Variants in PLA2G12B observed in about 807,000 individuals in gnomAD.
The protein encoded by PLA2G12B is group XIIB secretory phospholipase A2-like protein.
In PLA2G12B, 19 loss-of-function variants were observed where a neutral mutation model predicts 22.3. The ratio of observed to expected loss-of-function variants is 0.85; its 90% CI spans 0.60 to 1.25. The LOEUF is 1.25. Among genes scored for constraint, PLA2G12B ranks in the 50% most tolerant of loss-of-function variants. The pLI, the probability that PLA2G12B is intolerant of heterozygous loss-of-function variation, is 0.00. For synonymous variants in PLA2G12B, 81 were observed against 94.9 expected (o/e 0.85, Z 0.85); for missense variants, 191 against 246.6 (o/e 0.77, Z 1.51).
At chr10:72,940,267 T>C (rs1046821156) in intron 3 of PLA2G12B, among the ~76,000 whole-genome samples, 1 of 152,096 alleles carries the variant, frequency 6.6e-6, no homozygotes, top group Non-Finnish European at 1.5e-5. Flanking sequence ...ATTTCAACTC[T>C]TACCATCTAA....
chr10:72,945,170 C>A (rs1182994577), intron 1 of PLA2G12B, among the ~76,000 whole-genome samples: 4 of 152,188 alleles, frequency 2.6e-5, no homozygotes, highest in Non-Finnish European at 4.4e-5. Context: ...AAGATGACTT[C>A]CAATGATCCC....
chr10:72,936,928 C>T (rs1370673511), intron 3 of PLA2G12B, among the ~76,000 whole-genome samples: 3 of 152,178 alleles, frequency 2.0e-5, no homozygotes, highest in Non-Finnish European at 2.9e-5. Flanking sequence ...GGGCCGGGCA[C>T]GGTGGCTTAC....
At chr10:72,945,651 A>T (rs1846428377) in intron 1 of PLA2G12B, among the ~76,000 whole-genome samples, 1 of 137,378 alleles carries the variant, frequency 7.3e-6, no homozygotes, top group Admixed American at 6.7e-5. Flanking sequence ...TGCCATTATG[A>T]TGTTTTTTTT....
intron 3 of PLA2G12B, among the ~76,000 whole-genome samples, chr10:72,938,046 G>T (rs1041396956): frequency 6.6e-6 from 1 of 151,422 alleles, no homozygotes; most frequent in African/African-American, 2.4e-5. Context: ...CCCGGGGTGT[G>T]GAGGTTGCAG....
At chr10:72,943,655 A>T (rs551325385) in intron 1 of PLA2G12B, among the ~76,000 whole-genome samples, 2 of 152,338 alleles carry the variant, frequency 1.3e-5, no homozygotes, top group South Asian at 2.1e-4. Context: ...AGTTGTATCA[A>T]TGGCAGTGCT....
intron 1 of PLA2G12B, among the ~76,000 whole-genome samples, chr10:72,947,758 C>T (rs541722079): frequency 9.2e-5 from 14 of 152,296 alleles, no homozygotes; most frequent in South Asian, 2.1e-4. Flanking sequence ...ATGGCTTACA[C>T]GGCAGAAATT....
intron 2 of PLA2G12B, 117 bp from the exon 3 acceptor site, chr10:72,941,451 ATATCCC>A: frequency 1.0e-6 from 1 of 984,102 alleles, no homozygotes; most frequent in Non-Finnish European, 1.5e-6. Context: ...TTTCTGTTGC[ATATCCC>A]GATCAATTCA....
rs536281612 is a variant in PLA2G12B at position 72,948,414 on chromosome 10, G to A, written c.212-5674C>T. 3.3e-5 allele frequency among the ~76,000 whole-genome samples: 5 copies of A among 152,270 alleles called. No homozygotes were observed. In the South Asian group the frequency reaches 1.0e-3, roughly 32 times the overall value. ...TGCAGAAATTCTATTTAGAAACGAA[G>A]CTGAAAATATAAGTTCTAAGACAAA... On this transcript the variant is annotated intron_variant, in intron 1 of 3. Coordinates refer to ENST00000373032, the MANE Select transcript of PLA2G12B (RefSeq NM_032562.5).
intron 3 of PLA2G12B, 76 bp from the exon 4 acceptor site, chr10:72,935,814 C>T: frequency 2.0e-6 from 3 of 1,508,970 alleles, no homozygotes; most frequent in South Asian, 2.5e-5. Context: ...TGACATGATA[C>T]CCAGAGGAAA....
At chr10:72,937,386 C>T (rs1044443467) in intron 3 of PLA2G12B, among the ~76,000 whole-genome samples, 3 of 152,124 alleles carry the variant, frequency 2.0e-5, no homozygotes, top group Non-Finnish European at 2.9e-5. Flanking sequence ...CAATTACTAA[C>T]CCAAGCTCGT....
chr10:72,938,115 G>GAAAAAAAA (rs78360766), intron 3 of PLA2G12B, among the ~76,000 whole-genome samples: 2 of 59,048 alleles, frequency 3.4e-5, no homozygotes, highest in Non-Finnish European at 3.6e-5. Flanking sequence ...CTCCATCTCA[G>GAAAAAAAA]AAAAAAAAAA....
chr10:72,941,001 G>C (rs1846351209), intron 3 of PLA2G12B, among the ~76,000 whole-genome samples, 168 bp downstream of exon 3: 1 of 152,112 alleles, frequency 6.6e-6, no homozygotes, highest in Non-Finnish European at 1.5e-5. Flanking sequence ...TTGAGTGAAG[G>C]AGTGCCCAGA....
intron 1 of PLA2G12B, among the ~76,000 whole-genome samples, chr10:72,948,357 TA>T (rs1846475590): frequency 6.6e-6 from 1 of 152,224 alleles, no homozygotes; most frequent in African/African-American, 2.4e-5. Flanking sequence ...TGATGATGGT[TA>T]TTTTTATTTT....
intron 1 of PLA2G12B, among the ~76,000 whole-genome samples, chr10:72,944,771 G>A (rs1156384196): frequency 1.3e-5 from 2 of 152,204 alleles, no homozygotes; most frequent in Admixed American, 1.3e-4. Flanking sequence ...AACCCAGGCT[G>A]CTTCTAGCTT....
Position 72,951,724 on chromosome 10 carries a change from G to A in PLA2G12B, c.211+2751C>T, listed in dbSNP as rs140184911. On this transcript the variant is annotated intron_variant, in intron 1 of 3. Transcript: ENST00000373032. ...TCTGCCTGCCTTGGCCTCCCAAAGT[G>A]CTGGGATTACAGGCATGAGCCACCG... Among the ~76,000 whole-genome samples, 595 of 152,256 alleles carry A rather than the reference G, an allele frequency of 3.9e-3. 7 individuals carry two copies. The highest frequency in any genetic ancestry group is 0.013 in the African/African-American group (553 of 41,558).
At chr10:72,940,063 G>T (rs1846335531) in intron 3 of PLA2G12B, among the ~76,000 whole-genome samples, 1 of 152,148 alleles carries the variant, frequency 6.6e-6, no homozygotes, top group Non-Finnish European at 1.5e-5. Context: ...TTAGCAGCAG[G>T]TACTTTTTCA....
Position 72,941,218 on chromosome 10 carries a change from C to T in PLA2G12B, c.417G>A (p.Ser139=), listed in dbSNP as rs970974552. 12 of 1,613,922 alleles carry T rather than the reference C, an allele frequency of 7.4e-6. No homozygotes were observed. The East Asian group carries it at 1.6e-4, about 21-fold the overall frequency. The stretch of plus-strand genomic sequence containing the variant: ...GACTCCGCTTAAGGTCAGAGCAGAT[C>T]GAGTGGAGACACCATCGGAATTTTG... The part of the protein sequence containing the change: ...CDAKFRWCLH[S]ICSDLKRSLG... The change falls in exon 3 of 4, where the codon TCG becomes TCA. Residue 139 remains serine, a synonymous_variant. Transcript: ENST00000373032.
At chr10:72,951,435 T>C (rs1433884590) in intron 1 of PLA2G12B, among the ~76,000 whole-genome samples, 1 of 151,404 alleles carries the variant, frequency 6.6e-6, no homozygotes, top group Admixed American at 6.6e-5. Flanking sequence ...AAATCTTGTT[T>C]GCATTGGCAC....
At chr10:72,942,850 A>G in intron 1 of PLA2G12B, 110 bp from the exon 2 acceptor site, 1 of 927,798 alleles carries the variant, frequency 1.1e-6, no homozygotes, top group East Asian at 2.8e-5. Context: ...TTTTTCTTTA[A>G]AAGTCACTGT....
Sources: gnomAD v4.1 joint callset for allele counts (sites outside exome capture counted in the v4.1 genomes callset) on GRCh38, gnomAD v4.1.1 for gene constraint, MANE v1.5 for transcripts, NCBI Gene and HGNC (gene_info 2026-07-23, HGNC 2026-07-21) for gene names.